The following SSBP4 variants were observed in gnomAD, a reference collection of about 807,000 sequenced individuals.
The protein encoded by SSBP4 is single stranded DNA binding protein 4.
A neutral mutation model predicts 64.6 loss-of-function variants in SSBP4; 33 were observed. That is an observed-to-expected ratio of 0.51 (90% confidence interval 0.39 to 0.68). The LOEUF (loss-of-function observed/expected upper bound fraction) is 0.68. Ranked by LOEUF, SSBP4 falls within the 30% of genes least tolerant of loss-of-function variation. SSBP4 has a pLI of 0.00. For synonymous variants in SSBP4, 243 were observed against 224.0 expected (o/e 1.08, Z -0.76); for missense variants, 583 against 566.8 (o/e 1.03, Z -0.29).
At chr19:18,419,227 T>C (rs1043550814), upstream of SSBP4, 4 of 988,166 alleles carry the variant, frequency 4.0e-6, no homozygotes. Flanking sequence ...TCCGGGATCC[T>C]GACCCGCGAG....
the SSBP4 span, among the ~76,000 whole-genome samples, chr19:18,410,448 G>A: frequency 2.0e-5 from 3 of 152,020 alleles, no homozygotes; most frequent in Admixed American, 6.6e-5. Context: ...AGTTTTAAAC[G>A]GGCTAGTCAA....
rs1042841750 is a variant in SSBP4 at position 18,423,800 on chromosome 19, C to T, written c.60-3551C>T. ...TCCGGGTGCCTCCCTGTTTTCCTTT[C>T]TGGCCACCTGCCTGTGTGACACAGG... On this transcript the variant is annotated intron_variant, in intron 1 of 17. Coordinates refer to ENST00000270061, the MANE Select transcript of SSBP4 (RefSeq NM_032627.5). This position sits in a 1 kb window ranked among gnomAD's most constrained non-coding sequence, Gnocchi z 4.0. Among the ~76,000 whole-genome samples, 17 of 152,288 alleles carry T rather than the reference C, an allele frequency of 1.1e-4. No individual in the cohort carries two copies. The highest frequency in any genetic ancestry group is 3.8e-4 in the African/African-American group (16 of 41,562).
Position 18,431,823 on chromosome 19 carries a change from C to T in SSBP4, c.526C>T (p.Leu176Phe), listed in dbSNP as rs1254999688. 6.4e-7 allele frequency: 1 copy of T among 1,567,800 alleles called. No individual in the cohort carries two copies. Among genetic ancestry groups the T allele is most frequent in the East Asian group, 2.4e-5 (1 of 42,240 alleles). ...PPAGLPGSQP[L>F]LPGAMEPSPR... The stretch of plus-strand genomic sequence containing the variant: ...CGCAGGCCTCCCTGGCTCCCAGCCC[C>T]TCCTCCCTGGCGCCATGGAGCCCTC... The change falls in exon 8 of 18, where the codon CTC becomes TTC. Residue 176 changes from leucine (L) to phenylalanine (F), a missense_variant. Transcript: ENST00000270061.
At chr19:18,428,006 AG>A in intron 4 of SSBP4, 24 bp downstream of exon 4, 3 of 1,293,694 alleles carry the variant, frequency 2.3e-6, no homozygotes, top group Non-Finnish European at 3.1e-6. Flanking sequence ...CCAGGGACTC[AG>A]GGGCTCCAGG....
At chr19:18,420,686 C>T (rs930859327) in intron 1 of SSBP4, among the ~76,000 whole-genome samples, 6 of 151,664 alleles carry the variant, frequency 4.0e-5, no homozygotes, top group Admixed American at 3.9e-4. Flanking sequence ...GGTGAAACCC[C>T]GTCTCTACTA....
the SSBP4 span, among the ~76,000 whole-genome samples, chr19:18,412,057 C>T: frequency 9.1e-4 from 138 of 152,118 alleles, no homozygotes; most frequent in Non-Finnish European, 1.4e-3. Flanking sequence ...CCCAGCTACT[C>T]GGGAAGCTGA....
upstream of SSBP4, chr19:18,419,259 C>G (rs1478516293): frequency 1.0e-6 from 1 of 992,510 alleles, no homozygotes; most frequent in Admixed American, 6.1e-5. Context: ...GCCCCCACCC[C>G]CCGCGGCGGG....
rs759624013 is a variant in SSBP4 at position 18,432,098 on chromosome 19, C to A, written c.636+28C>A. 7.5e-6 allele frequency: 12 copies of A among 1,602,942 alleles called. No individual in the cohort carries two copies. In the African/African-American group the frequency reaches 1.2e-4, roughly 16 times the overall value. On this transcript the variant is annotated intron_variant, in intron 9 of 17. Coordinates refer to ENST00000270061, the MANE Select transcript of SSBP4 (RefSeq NM_032627.5). Reference sequence around the variant, plus strand: ...AAGAGTGGAGCCCTGGTGGGTGGGGCCTTCGGGCTGTCCCCGGTCTACCCC... The same window carrying A: ...AAGAGTGGAGCCCTGGTGGGTGGGGACTTCGGGCTGTCCCCGGTCTACCCC...
intron 4 of SSBP4, among the ~76,000 whole-genome samples, chr19:18,428,940 C>A (rs1973080731): frequency 6.6e-6 from 1 of 152,242 alleles, no homozygotes; most frequent in Admixed American, 6.5e-5. Flanking sequence ...CTGCCCCCAT[C>A]CCTGCCGTCT....
the SSBP4 span, among the ~76,000 whole-genome samples, chr19:18,403,364 C>A: frequency 3.3e-5 from 5 of 152,198 alleles, no homozygotes; most frequent in African/African-American, 9.7e-5. Flanking sequence ...GCCCACTGTT[C>A]TTTCTCTATA....
upstream of SSBP4, among the ~76,000 whole-genome samples, chr19:18,415,650 G>A (rs985523669): frequency 5.9e-5 from 9 of 152,136 alleles, no homozygotes; most frequent in Admixed American, 4.6e-4. Flanking sequence ...GACCAAGGAG[G>A]AACCCTTGGC....
chr19:18,404,246 TCCCCAGAGAC>T, the SSBP4 span, among the ~76,000 whole-genome samples: 1 of 148,810 alleles, frequency 6.7e-6, no homozygotes, highest in African/African-American at 2.5e-5. Context: ...CCCTCAGAGA[TCCCCAGAGAC>T]CCTCAGAGAC....
At position 18,432,973 on chromosome 19, in the gene SSBP4, A is replaced by G; in HGVS notation, c.842A>G (p.Asp281Gly). The change falls in exon 14 of 18, where the codon GAT (aspartate) becomes GGT (glycine). Residue 281 changes from aspartate to glycine, a missense_variant and splice_region_variant. Asp to Gly is a moderately conservative substitution (Grantham distance 94, BLOSUM62 -1). Transcript: ENST00000270061. ...CTGGCACCCTTCTGGTCTCCCCCAG[A>G]TTCCACCAACTCCAGCGAAAACATG... ...PGTPIMPSPGDSTNSSENMYT... is the reference protein window; with the variant it reads ...PGTPIMPSPGGSTNSSENMYT... 6.2e-7 allele frequency: 1 copy of G among 1,614,158 alleles called. No individual in the cohort carries two copies. Among genetic ancestry groups the G allele is most frequent in the African/African-American group, 1.3e-5 (1 of 75,064 alleles).
chr19:18,430,743 C>T, intron 4 of SSBP4, 98 bp from the exon 5 acceptor site: 1 of 1,078,678 alleles, frequency 9.3e-7, no homozygotes, highest in Non-Finnish European at 1.3e-6. Context: ...GCTCGCTGTC[C>T]CATGGGGCCG....
intron 4 of SSBP4, among the ~76,000 whole-genome samples, chr19:18,429,798 G>A (rs1973195513): frequency 6.6e-6 from 1 of 152,146 alleles, no homozygotes; most frequent in Non-Finnish European, 1.5e-5. Flanking sequence ...GGGCTTAGGG[G>A]GCTCCCGCCT....
the SSBP4 span, among the ~76,000 whole-genome samples, chr19:18,403,742 T>A: frequency 1.3e-5 from 2 of 151,032 alleles, no homozygotes. Context: ...GGTGCTGGGG[T>A]CTAGGGATCC....
rs761620057 is a variant in SSBP4 at position 18,432,680 on chromosome 19, A to T, written c.751-20A>T. On this transcript the variant is annotated intron_variant, in intron 11 of 17. Transcript: ENST00000270061. ...GGGTGAGCCGCCTGGCTGACTGCTC[A>T]CAGCTGCCCTTGTCCCCAGATCCCC... The T allele has an allele frequency of 1.3e-6, 2 of 1,563,044 alleles. No homozygotes were observed. The highest frequency in any genetic ancestry group is 1.7e-6 in the Non-Finnish European group (2 of 1,150,078).
chr19:18,432,113 C>G (rs538675557), intron 9 of SSBP4, 34 bp from the exon 10 acceptor site: 13 of 1,608,078 alleles, frequency 8.1e-6, no homozygotes, highest in Middle Eastern at 1.7e-4. Context: ...GGGCTGTCCC[C>G]GGTCTACCCC....
chr19:18,428,906 C>A (rs1200989836), intron 4 of SSBP4, among the ~76,000 whole-genome samples: 1 of 152,200 alleles, frequency 6.6e-6, no homozygotes, highest in African/African-American at 2.4e-5. Flanking sequence ...CCGGGGGTGT[C>A]TGGAGCTGTG....
Sources: gnomAD v4.1 joint callset for allele counts (sites outside exome capture counted in the v4.1 genomes callset) on GRCh38, gnomAD v4.1.1 for gene constraint, Gnocchi (gnomAD v3.1) non-coding constraint, MANE v1.5 for transcripts, NCBI Gene and HGNC (gene_info 2026-07-23, HGNC 2026-07-21) for gene names.